The following ARK2C variants were observed in gnomAD, a reference collection of about 807,000 sequenced individuals.
The protein encoded by ARK2C is E3 ubiquitin-protein ligase ARK2C.
the ARK2C span, among the ~76,000 whole-genome samples, chr18:46,385,363 G>T: frequency 6.6e-6 from 1 of 152,156 alleles, no homozygotes; most frequent in African/African-American, 2.4e-5. Flanking sequence ...TGGAAGGAAG[G>T]ACTTGCATGT....
the ARK2C span, chr18:46,450,634 A>G: frequency 7.2e-6 from 9 of 1,245,866 alleles, no homozygotes; most frequent in South Asian, 7.4e-5. Flanking sequence ...CCAGCTCCCA[A>G]TCCATATCCT....
At chr18:46,438,995 C>A in the ARK2C span, among the ~76,000 whole-genome samples, 1 of 152,220 alleles carries the variant, frequency 6.6e-6, no homozygotes, top group Non-Finnish European at 1.5e-5. Context: ...GGACAAGGAC[C>A]TGGGTCTTCT....
chr18:46,341,850 C>G, the ARK2C span, among the ~76,000 whole-genome samples: 1 of 152,192 alleles, frequency 6.6e-6, no homozygotes. Flanking sequence ...TTTTATCAAA[C>G]TTTGTCTTTC....
the ARK2C span, chr18:46,457,803 A>AC: frequency 2.6e-5 from 4 of 152,788 alleles, no homozygotes; most frequent in African/African-American, 9.6e-5. Context: ...CTCAGCCAGC[A>AC]CTAAGGGCTG....
chr18:46,441,900 C>T, the ARK2C span, among the ~76,000 whole-genome samples: 5 of 142,956 alleles, frequency 3.5e-5, no homozygotes, highest in Admixed American at 7.3e-5. Context: ...CGCGGTGGCT[C>T]ACGCCTGTAA....
chr18:46,368,992 A>G, the ARK2C span, among the ~76,000 whole-genome samples: 1 of 152,188 alleles, frequency 6.6e-6, no homozygotes, highest in Non-Finnish European at 1.5e-5. Flanking sequence ...ACTTACTTAG[A>G]TTGTCTGATG....
At chr18:46,348,765 C>T in the ARK2C span, among the ~76,000 whole-genome samples, 1 of 152,170 alleles carries the variant, frequency 6.6e-6, no homozygotes, top group Non-Finnish European at 1.5e-5. Flanking sequence ...CACACTATAT[C>T]CCAGTCTTGG....
At chr18:46,337,444 G>A in the ARK2C span, 13,510 of 985,286 alleles carry the variant, frequency 0.014, 106 homozygotes, top group Non-Finnish European at 0.015. Context: ...ACAGCGCTCG[G>A]TTAGAGATGT....
the ARK2C span, among the ~76,000 whole-genome samples, chr18:46,387,654 G>T: frequency 2.6e-5 from 4 of 152,234 alleles, no homozygotes; most frequent in African/African-American, 9.6e-5. Context: ...ACCCGTGGAG[G>T]GTGCAAGGGC....
At chr18:46,370,670 A>G in the ARK2C span, among the ~76,000 whole-genome samples, 2 of 152,160 alleles carry the variant, frequency 1.3e-5, no homozygotes, top group Non-Finnish European at 2.9e-5. Flanking sequence ...GCCAGGTGCT[A>G]AGGGGATCAA....
chr18:46,400,097 G>A, the ARK2C span, among the ~76,000 whole-genome samples: 2 of 152,178 alleles, frequency 1.3e-5, no homozygotes, highest in African/African-American at 2.4e-5. Flanking sequence ...CTTACCCATC[G>A]CTTGGCTTCA....
the ARK2C span, among the ~76,000 whole-genome samples, chr18:46,340,329 C>T: frequency 2.0e-5 from 3 of 152,168 alleles, no homozygotes; most frequent in Non-Finnish European, 4.4e-5. Flanking sequence ...AACCCCATAG[C>T]CAAACCTCAT....
chr18:46,335,790 T>C, the ARK2C span: 1 of 589,254 alleles, frequency 1.7e-6, no homozygotes, highest in Non-Finnish European at 2.1e-6. Context: ...AAAGGCAAGC[T>C]TGGCCCCCTT....
At chr18:46,409,441 G>C in the ARK2C span, among the ~76,000 whole-genome samples, 15 of 152,318 alleles carry the variant, frequency 9.8e-5, no homozygotes, top group African/African-American at 3.6e-4. Context: ...GTTTAGCCGA[G>C]GACAGGGCAG....
At chr18:46,424,863 G>A in the ARK2C span, among the ~76,000 whole-genome samples, 3 of 152,252 alleles carry the variant, frequency 2.0e-5, no homozygotes, top group Non-Finnish European at 4.4e-5. Flanking sequence ...TGGTAGTGAT[G>A]CCTTCCTCAC....
the ARK2C span, chr18:46,455,863 A>T: frequency 1.6e-6 from 1 of 640,594 alleles, no homozygotes; most frequent in Non-Finnish European, 2.8e-6. Flanking sequence ...ACAAAAAAAG[A>T]AACTTTAAAA....
chr18:46,401,787 A>C, the ARK2C span, among the ~76,000 whole-genome samples: 1 of 152,170 alleles, frequency 6.6e-6, no homozygotes, highest in African/African-American at 2.4e-5. Context: ...CTTGGAGAGG[A>C]TCTCCTTCTA....
the ARK2C span, among the ~76,000 whole-genome samples, chr18:46,410,424 G>A: frequency 6.6e-6 from 1 of 152,234 alleles, no homozygotes; most frequent in Non-Finnish European, 1.5e-5. Flanking sequence ...GGAGGAGGCA[G>A]CCAGCCAGCT....
At chr18:46,344,590 G>T in the ARK2C span, among the ~76,000 whole-genome samples, 1 of 152,208 alleles carries the variant, frequency 6.6e-6, no homozygotes, top group Non-Finnish European at 1.5e-5. Flanking sequence ...CCTTCCCCAG[G>T]GGACCTTGGC....
Sources: allele counts gnomAD v4.1 joint callset (sites outside exome capture counted in the v4.1 genomes callset), GRCh38; gene constraint gnomAD v4.1.1; transcripts MANE v1.5; gene names NCBI Gene and HGNC (gene_info 2026-07-23, HGNC 2026-07-21).